DNER: variants seen among roughly 807,000 people sequenced by gnomAD.
DNER encodes the protein delta/notch like EGF repeat containing, also known as delta and Notch-like epidermal growth factor-related receptor.
In DNER, 33 loss-of-function variants were observed where a neutral mutation model predicts 78.2. That is an observed-to-expected ratio of 0.42 (90% CI 0.32 to 0.56). The LOEUF (loss-of-function observed/expected upper bound fraction) is 0.56, where lower values mean the gene tolerates loss of function less well. Ranked by LOEUF, DNER falls within the 20% of genes least tolerant of loss-of-function variation. The probability of loss-of-function intolerance (pLI) is 0.11; values close to 1 mark genes in which losing one functional copy is unlikely to be tolerated. For synonymous variants in DNER, 417 were observed against 384.8 expected, an observed-to-expected ratio of 1.08 and a Z score of -0.98; for missense variants, 918 against 975.3, an observed-to-expected ratio of 0.94 and a Z score of 0.78.
At chr2:229,439,254 T>C (rs971375417) in intron 8 of DNER, among the ~76,000 whole-genome samples, 5 of 152,168 alleles carry the variant, frequency 3.3e-5, no homozygotes, top group African/African-American at 1.2e-4. Context: ...CCAGTCCAAC[T>C]CTAACCTTGA....
chr2:229,470,692 A>C (rs542242200), intron 7 of DNER, among the ~76,000 whole-genome samples: 25 of 152,250 alleles, frequency 1.6e-4, no homozygotes, highest in Non-Finnish European at 2.9e-4. Flanking sequence ...TCTACTAAAA[A>C]TACAAAAATT....
At position 229,591,815 on chromosome 2, in the gene DNER, T is replaced by C. The variant is rs1697613179; in HGVS notation, c.350A>G (p.Asp117Gly). 1.2e-6 allele frequency: 2 copies of C among 1,613,016 alleles called. No homozygotes were observed. The highest frequency in any genetic ancestry group is 8.5e-7 in the Non-Finnish European group (1 of 1,179,602). The change falls in exon 2 of 13, where the codon GAT becomes GGT. Residue 117 changes from aspartate to glycine, a missense_variant. Asp to Gly is a moderately conservative substitution (Grantham distance 94, BLOSUM62 -1). Coordinates refer to ENST00000341772, the MANE Select transcript of DNER (RefSeq NM_139072.4). The surrounding 1 kb of genome is among the most constrained non-coding windows in gnomAD (Gnocchi z 4.6). ...TTCATTGCAAATGCAGAGGTAGCCATCGCTGCTGCTGCTGCTGCTGCTGCT... is the reference window on the plus strand; with the variant it reads ...TTCATTGCAAATGCAGAGGTAGCCACCGCTGCTGCTGCTGCTGCTGCTGCT... Reference protein sequence around the residue: ...NCSSSSSSSSDGYLCICNEGY... With the variant: ...NCSSSSSSSSGGYLCICNEGY...
intron 4 of DNER, among the ~76,000 whole-genome samples, chr2:229,563,543 C>CCATCTCCATCAT (rs1697015275): frequency 6.8e-6 from 1 of 146,280 alleles, no homozygotes; most frequent in Admixed American, 6.8e-5. Context: ...CGTCATCACC[C>CCATCTCCATCAT]CATCACCATC....
intron 7 of DNER, among the ~76,000 whole-genome samples, chr2:229,457,278 T>C (rs1003456313): frequency 3.3e-5 from 5 of 152,128 alleles, no homozygotes; most frequent in African/African-American, 1.2e-4. Context: ...ATTCATTTTT[T>C]TCTTAATTTC....
chr2:229,364,842 CT>C (rs1692306575), intron 12 of DNER, among the ~76,000 whole-genome samples: 1 of 133,474 alleles, frequency 7.5e-6, no homozygotes, highest in Non-Finnish European at 1.5e-5. Flanking sequence ...GTCTCTCTCT[CT>C]CTTTTTTTTT....
intron 4 of DNER, among the ~76,000 whole-genome samples, chr2:229,558,177 T>C (rs1022893559): frequency 5.3e-5 from 8 of 152,192 alleles, no homozygotes; most frequent in African/African-American, 1.9e-4. Context: ...AGTGAAATGA[T>C]GGGAACACAT....
At chr2:229,452,640 A>T (rs549781286) in intron 7 of DNER, among the ~76,000 whole-genome samples, 7 of 152,090 alleles carry the variant, frequency 4.6e-5, no homozygotes, top group Middle Eastern at 3.4e-3. Context: ...TTATTTATTT[A>T]TTTTTTGAGA....
At chr2:229,359,298 T>A (rs1474774905) in intron 12 of DNER, among the ~76,000 whole-genome samples, 1 of 152,168 alleles carries the variant, frequency 6.6e-6, no homozygotes, top group African/African-American at 2.4e-5. Context: ...TCCCAACAGA[T>A]TTGTATGTAT....
chr2:229,573,806 C>T (rs1697253285), intron 4 of DNER, among the ~76,000 whole-genome samples: 4 of 152,154 alleles, frequency 2.6e-5, no homozygotes, highest in Admixed American at 2.6e-4. Context: ...AAAGCAGCAA[C>T]CCCCTGTTTA....
intron 1 of DNER, among the ~76,000 whole-genome samples, chr2:229,638,668 T>TA (rs1698566562): frequency 6.6e-6 from 1 of 152,198 alleles, no homozygotes; most frequent in Non-Finnish European, 1.5e-5. Context: ...CTGTTCTAAT[T>TA]ATTTAAATAA....
intron 7 of DNER, among the ~76,000 whole-genome samples, chr2:229,462,283 CA>C (rs1694719373): frequency 6.6e-6 from 1 of 151,996 alleles, no homozygotes; most frequent in Non-Finnish European, 1.5e-5. Context: ...ATAGAGGTGT[CA>C]GAAATTTTTG....
intron 5 of DNER, among the ~76,000 whole-genome samples, chr2:229,534,770 G>A (rs573100713): frequency 4.6e-5 from 7 of 152,110 alleles, no homozygotes; most frequent in Non-Finnish European, 1.0e-4. Context: ...TCATTTAAAA[G>A]GTATTATTAT....
chr2:229,586,651 T>C (rs1697508690), intron 3 of DNER: 2 of 983,496 alleles, frequency 2.0e-6, no homozygotes, highest in Non-Finnish European at 2.4e-6. Flanking sequence ...CACAGCCCAA[T>C]GCTTCAGCTA....
At chr2:229,383,920 T>A (rs1039991634) in intron 11 of DNER, among the ~76,000 whole-genome samples, 1 of 152,106 alleles carries the variant, frequency 6.6e-6, no homozygotes, top group Non-Finnish European at 1.5e-5. Context: ...CTAATAGACA[T>A]CTACAGAACT....
intron 8 of DNER, among the ~76,000 whole-genome samples, chr2:229,435,097 T>C (rs1248627681): frequency 6.6e-6 from 1 of 152,110 alleles, no homozygotes; most frequent in Non-Finnish European, 1.5e-5. Flanking sequence ...TGTGACTTGC[T>C]CATGCCACTG....
intron 1 of DNER, among the ~76,000 whole-genome samples, chr2:229,712,016 AGTAAGTTT>A (rs1386581566): frequency 1.1e-3 from 168 of 152,338 alleles, no homozygotes; most frequent in African/African-American, 3.6e-3. Context: ...GAATCATCTC[AGTAAGTTT>A]TTCTGGGTAA....
intron 1 of DNER, among the ~76,000 whole-genome samples, chr2:229,668,974 T>C (rs1699159879): frequency 6.6e-6 from 1 of 152,074 alleles, no homozygotes; most frequent in Admixed American, 6.5e-5. Flanking sequence ...CCAGACCAAA[T>C]GCTCATCAAT....
intron 5 of DNER, among the ~76,000 whole-genome samples, chr2:229,532,995 G>GGA (rs1696334519): frequency 6.6e-6 from 1 of 152,134 alleles, no homozygotes; most frequent in African/African-American, 2.4e-5. Context: ...ACAAAGATGG[G>GGA]GAGTTTGTCA....
At chr2:229,438,945 G>T (rs1694179988) in intron 8 of DNER, among the ~76,000 whole-genome samples, 1 of 152,164 alleles carries the variant, frequency 6.6e-6, no homozygotes, top group Non-Finnish European at 1.5e-5. Context: ...TATTTACTCT[G>T]AGCTAACAGA....
Sources: allele counts gnomAD v4.1 joint callset (sites outside exome capture counted in the v4.1 genomes callset), GRCh38; gene constraint gnomAD v4.1.1; non-coding constraint Gnocchi (gnomAD v3.1); transcripts MANE v1.5; gene names NCBI Gene and HGNC (gene_info 2026-07-23, HGNC 2026-07-21).